The following NOL4 variants were observed in gnomAD, a reference collection of about 807,000 sequenced individuals.
The protein encoded by NOL4 is nucleolar protein 4.
A neutral mutation model predicts 75.9 loss-of-function variants in NOL4; 17 were observed. That is an observed-to-expected ratio of 0.22 (90% CI 0.15 to 0.34). The LOEUF is 0.34. NOL4 is among the 10% of genes least tolerant of loss of function. The pLI is 1.00. For synonymous variants in NOL4, 292 were observed against 289.9 expected (o/e 1.01, Z -0.07); for missense variants, 614 against 793.5 (o/e 0.77, Z 2.72).
chr18:33,856,551 T>C (rs1013349319), intron 10 of NOL4, among the ~76,000 whole-genome samples: 1 of 152,018 alleles, frequency 6.6e-6, no homozygotes, highest in Non-Finnish European at 1.5e-5. Context: ...TACAGCCTTC[T>C]CCTACATTCT....
intron 2 of NOL4, among the ~76,000 whole-genome samples, chr18:34,123,701 T>G (rs1482431669): frequency 6.7e-6 from 1 of 148,320 alleles, no homozygotes; most frequent in Non-Finnish European, 1.5e-5. Flanking sequence ...TATATATGTA[T>G]ATATAGAGAG....
chr18:33,968,531 C>G (rs2070789037), intron 6 of NOL4, among the ~76,000 whole-genome samples: 1 of 152,068 alleles, frequency 6.6e-6, no homozygotes, highest in Admixed American at 6.6e-5. Flanking sequence ...AAGAGAAAAC[C>G]AAATAGCACA....
intron 6 of NOL4, among the ~76,000 whole-genome samples, chr18:34,018,420 G>C (rs925464703): frequency 6.6e-6 from 1 of 152,126 alleles, no homozygotes; most frequent in Admixed American, 6.6e-5. Context: ...TTTAAATAGA[G>C]CCAATTTAGG....
At chr18:33,998,757 T>C (rs925621589) in intron 6 of NOL4, among the ~76,000 whole-genome samples, 5 of 152,126 alleles carry the variant, frequency 3.3e-5, no homozygotes, top group African/African-American at 1.2e-4. Flanking sequence ...TGCTTGTCAA[T>C]TAAATTAATG....
chr18:34,031,657 C>T (rs531415789), intron 5 of NOL4, among the ~76,000 whole-genome samples: 10 of 152,224 alleles, frequency 6.6e-5, no homozygotes, highest in African/African-American at 2.4e-4. Context: ...AGAGAAAACA[C>T]TAAAATTCAA....
intron 6 of NOL4, among the ~76,000 whole-genome samples, chr18:33,975,896 A>G (rs1471368245): frequency 6.6e-6 from 1 of 152,242 alleles, no homozygotes; most frequent in Non-Finnish European, 1.5e-5. Context: ...TGTTGGACAC[A>G]ACTTCTGAAT....
intron 4 of NOL4, among the ~76,000 whole-genome samples, chr18:34,102,522 G>C (rs186331839): frequency 7.9e-5 from 12 of 152,020 alleles, no homozygotes; most frequent in Admixed American, 7.9e-4. Flanking sequence ...ATCCAATTTA[G>C]TATTTTCAAA....
chr18:34,148,751 A>AG (rs2081517378), intron 1 of NOL4, among the ~76,000 whole-genome samples: 1 of 151,986 alleles, frequency 6.6e-6, no homozygotes, highest in Non-Finnish European at 1.5e-5. Flanking sequence ...AGCTGAGTCC[A>AG]ATCCTGAATA....
chr18:33,874,331 T>A (rs760217288), intron 10 of NOL4, among the ~76,000 whole-genome samples: 7 of 151,978 alleles, frequency 4.6e-5, no homozygotes, highest in Non-Finnish European at 1.0e-4. Context: ...CAAGAATTTA[T>A]GTATTTCAAG....
rs569881238 is a variant in NOL4 at position 34,099,792 on chromosome 18, C to T, written c.639+4255G>A. Among the ~76,000 whole-genome samples, 3 of 152,210 alleles carry T rather than the reference C, an allele frequency of 2.0e-5. No individual in the cohort carries two copies. In the South Asian group the frequency reaches 6.2e-4, roughly 32 times the overall value. Reference sequence around the variant, plus strand: ...CATGGCTTGTCATTTTAATCATACCCTTATATAACACTTCTATTCTTTTGA... The same window carrying T: ...CATGGCTTGTCATTTTAATCATACCTTTATATAACACTTCTATTCTTTTGA... On this transcript the variant is annotated intron_variant, in intron 4 of 10. Coordinates refer to ENST00000261592, the MANE Select transcript of NOL4 (RefSeq NM_003787.5).
chr18:33,878,296 C>T (rs1412468685), intron 10 of NOL4, among the ~76,000 whole-genome samples: 1 of 152,020 alleles, frequency 6.6e-6, no homozygotes, highest in Non-Finnish European at 1.5e-5. Flanking sequence ...AGTGTTCTCA[C>T]TTGTGTATTA....
At chr18:33,946,951 T>C (rs2068874926) in intron 8 of NOL4, among the ~76,000 whole-genome samples, 1 of 151,698 alleles carries the variant, frequency 6.6e-6, no homozygotes, top group African/African-American at 2.4e-5. Context: ...AGAAAAGTTC[T>C]TTCCCTCCTG....
intron 4 of NOL4, among the ~76,000 whole-genome samples, chr18:34,095,107 C>T (rs1007029322): frequency 2.6e-5 from 4 of 152,108 alleles, no homozygotes; most frequent in Admixed American, 2.0e-4. Flanking sequence ...TGCTTGGGCA[C>T]ACTGAGTAGC....
In NOL4 at chr18:33,992,115, A is replaced by G. The variant is rs185383002; in HGVS notation, c.1056+27203T>C. Among the ~76,000 whole-genome samples, 171 of 152,120 alleles carry G rather than the reference A, an allele frequency of 1.1e-3. 5 individuals are homozygous for G. The highest frequency in any genetic ancestry group is 8.2e-3 in the Admixed American group (125 of 15,238). On this transcript the variant is annotated intron_variant, in intron 6 of 10. Transcript: ENST00000261592. The stretch of plus-strand genomic sequence containing the variant: ...TACTTTGGAAATCTATTTTCTCTCC[A>G]TTCTGATCTACTTAACCTGAAATTT...
intron 5 of NOL4, among the ~76,000 whole-genome samples, chr18:34,040,744 A>G (rs2076104420): frequency 6.6e-6 from 1 of 151,924 alleles, no homozygotes; most frequent in African/African-American, 2.4e-5. Context: ...TAACTTAGGT[A>G]TCACGGAGGA....
At chr18:33,938,322 T>A (rs369465316) in intron 9 of NOL4, among the ~76,000 whole-genome samples, 104 of 152,000 alleles carry the variant, frequency 6.8e-4, no homozygotes, top group African/African-American at 1.3e-3. Context: ...TTTAAAAAAA[T>A]TATTTCTTCA....
intron 1 of NOL4, among the ~76,000 whole-genome samples, chr18:34,206,001 G>T (rs566577585): frequency 5.9e-5 from 9 of 152,112 alleles, no homozygotes; most frequent in Admixed American, 2.6e-4. Context: ...TCAAAGCCTT[G>T]CTTAAGGTGC....
chr18:33,963,560 C>A (rs967147688), intron 6 of NOL4, among the ~76,000 whole-genome samples: 9 of 152,018 alleles, frequency 5.9e-5, no homozygotes, highest in African/African-American at 2.2e-4. Context: ...AAATCCAAAC[C>A]AGAACTAAAA....
At chr18:34,090,497 C>G (rs951898302) in intron 5 of NOL4, among the ~76,000 whole-genome samples, 1 of 151,938 alleles carries the variant, frequency 6.6e-6, no homozygotes, top group African/African-American at 2.4e-5. Context: ...ATTTGGGATT[C>G]ATCTAGATAG....
Sources: gnomAD v4.1 joint callset for allele counts (sites outside exome capture counted in the v4.1 genomes callset) on GRCh38, gnomAD v4.1.1 for gene constraint, MANE v1.5 for transcripts, NCBI Gene and HGNC (gene_info 2026-07-23, HGNC 2026-07-21) for gene names.